The following CD40 variants were observed in gnomAD, a reference collection of about 807,000 sequenced individuals.
The protein encoded by CD40 is CD40 molecule.
Under a neutral mutation model 38.5 loss-of-function variants are expected in CD40, and 19 were observed. The ratio of observed to expected loss-of-function variants is 0.49; its 90% confidence interval spans 0.34 to 0.72. The LOEUF is 0.72. Ranked by LOEUF, CD40 falls within the 30% of genes least tolerant of loss-of-function variation. The pLI is 0.01. For synonymous variants in CD40, 130 were observed against 128.7 expected (o/e 1.01, Z -0.07); for missense variants, 256 against 344.1 (o/e 0.74, Z 2.03).
intron 5 of CD40, among the ~76,000 whole-genome samples, chr20:46,123,960 C>T (rs541004924): frequency 6.6e-6 from 1 of 152,352 alleles, no homozygotes; most frequent in South Asian, 2.1e-4. Flanking sequence ...TCTGAACACA[C>T]TGTTCATTCT....
In CD40 at chr20:46,129,406, A is replaced by G. The variant is rs1470507754; in HGVS notation, c.*366A>G. ...GTGGCTTCCCTGCGCCCAGGAAGCC[A>G]TATACACAGATGCCCATTGCAGCAT... On this transcript the variant is annotated 3_prime_UTR_variant, in exon 9 of 9. Coordinates refer to ENST00000372285, the MANE Select transcript of CD40 (RefSeq NM_001250.6). 1.5e-5 allele frequency: 5 copies of G among 326,402 alleles called. No homozygotes were observed. The highest frequency in any genetic ancestry group is 2.4e-5 in the Non-Finnish European group (4 of 166,184). The allele number at this position is 326,402 out of a possible 1,614,324, so 20.2% of individuals were successfully genotyped here. A position where few individuals can be genotyped will look rare whatever the true frequency, so the allele number is the denominator to read the frequency against.
chr20:46,126,676 C>T lies in CD40; in HGVS notation c.534C>T (p.Gly178=). 1 of 1,614,040 alleles carries T rather than the reference C, an allele frequency of 6.2e-7. No individual in the cohort carries two copies. The highest frequency in any genetic ancestry group is 8.5e-7 in the Non-Finnish European group (1 of 1,179,964). The change falls in exon 6 of 9, where the codon GGC becomes GGT. Residue 178 remains glycine (G), a synonymous_variant. Coordinates refer to ENST00000372285, the MANE Select transcript of CD40 (RefSeq NM_001250.6). The part of the protein sequence containing the change: ...ETKDLVVQQA[G]TNKTDVVCGP... Reference sequence around the variant, plus strand: ...AAGACCTGGTTGTGCAACAGGCAGGCACAAACAAGACTGATGTTGTCTGTG... The same window carrying T: ...AAGACCTGGTTGTGCAACAGGCAGGTACAAACAAGACTGATGTTGTCTGTG...
chr20:46,122,218 C>T lies in CD40; in HGVS notation c.131-15C>T. The T allele has an allele frequency of 1.2e-6, 2 of 1,614,198 alleles. No individual in the cohort carries two copies. The highest frequency in any genetic ancestry group is 2.2e-5 in the East Asian group (1 of 44,888). Reference sequence around the variant, plus strand: ...AGTTGGCCAGAGCCCTCCCTCATTTCCTGATGTTTTCCAGGACAGAAACTG... The same window carrying T: ...AGTTGGCCAGAGCCCTCCCTCATTTTCTGATGTTTTCCAGGACAGAAACTG... On this transcript the variant is annotated splice_polypyrimidine_tract_variant and intron_variant, in intron 2 of 8. Transcript: ENST00000372285. The surrounding 1 kb of genome is among the most constrained non-coding windows in gnomAD (Gnocchi z 5.0).
Position 46,129,423 on chromosome 20 carries a change from T to C in CD40, c.*383T>C. On this transcript the variant is annotated 3_prime_UTR_variant, in exon 9 of 9. Transcript: ENST00000372285. ...AGGAAGCCATATACACAGATGCCCA[T>C]TGCAGCATTGTTTGTGATAGTGAAC... is the stretch of plus-strand genomic sequence containing the variant. 1 of 275,670 alleles carries C rather than the reference T, an allele frequency of 3.6e-6. No individual in the cohort carries two copies. The highest frequency in any genetic ancestry group is 4.0e-5 in the South Asian group (1 of 25,178). The allele number at this position is 275,670 out of a possible 1,614,324, so 17.1% of individuals were successfully genotyped here.
At chr20:46,123,041 C>T (rs1032243359) in intron 4 of CD40, 85 bp from the exon 5 acceptor site, 28 of 1,093,648 alleles carry the variant, frequency 2.6e-5, no homozygotes, top group Non-Finnish European at 3.7e-5. Flanking sequence ...GAGCTCTTCC[C>T]GTCCTGCCTG....
rs1398347643 is a variant in CD40 at position 46,129,641 on chromosome 20, C to A, written c.*601C>A. On this transcript the variant is annotated 3_prime_UTR_variant, in exon 9 of 9. Coordinates refer to ENST00000372285, the MANE Select transcript of CD40 (RefSeq NM_001250.6). ...TTGCCTATGGATATATGTATAAATA[C>A]AATATGCATCATATATTGATATAAC... is the stretch of plus-strand genomic sequence containing the variant. 6.3e-6 allele frequency: 1 copy of A among 158,130 alleles called. No individual in the cohort carries two copies. Among genetic ancestry groups the A allele is most frequent in the African/African-American group, 2.4e-5 (1 of 41,396 alleles). 9.8% of individuals were successfully genotyped at this position (158,130 alleles called of 1,614,324 possible).
In CD40 at chr20:46,118,741, C is replaced by G. The variant is rs776428906; in HGVS notation, c.51+347C>G. Among the ~76,000 whole-genome samples, 12 of 152,082 alleles carry G rather than the reference C, an allele frequency of 7.9e-5. No individual in the cohort carries two copies. The East Asian group carries it at 2.3e-3, about 29-fold the overall frequency. The stretch of plus-strand genomic sequence containing the variant: ...AAGTGAGGCGGACCAAGGGAAGGGG[C>G]GGGTCTGGCCCGTTTCCTGTCCCCT... On this transcript the variant is annotated intron_variant, in intron 1 of 8. Coordinates refer to ENST00000372285, the MANE Select transcript of CD40 (RefSeq NM_001250.6).
intron 1 of CD40, among the ~76,000 whole-genome samples, chr20:46,118,803 TATC>T (rs2085262979): frequency 6.6e-6 from 1 of 152,044 alleles, no homozygotes; most frequent in South Asian, 2.1e-4. Context: ...TGTAAGTAGT[TATC>T]ATCTCCTTGC....
In CD40 at chr20:46,128,868, C is replaced by T. The variant is rs2085494952; in HGVS notation, c.676-14C>T. On this transcript the variant is annotated splice_polypyrimidine_tract_variant and intron_variant, in intron 8 of 8. Transcript: ENST00000372285. ...CCCTGCTGCTGGGGGTGACCTCACA[C>T]CTTGCCTCTCCAGGCCCCCCACCCC... 1.2e-6 allele frequency: 2 copies of T among 1,613,772 alleles called. No individual in the cohort carries two copies. Among genetic ancestry groups the T allele is most frequent in the Admixed American group, 3.3e-5 (2 of 60,006 alleles).
Position 46,121,942 on chromosome 20 carries a change from C to T in CD40, c.130+44C>T, listed in dbSNP as rs749599565. 3.3e-6 allele frequency: 5 copies of T among 1,501,438 alleles called. No homozygotes were observed. In the South Asian group the frequency reaches 5.6e-5, roughly 17 times the overall value. The allele number at this position is 1,501,438 out of a possible 1,614,324, so 93.0% of individuals were successfully genotyped here. A position where few individuals can be genotyped will look rare whatever the true frequency, so the allele number is the denominator to read the frequency against. ...AGCCCCATCATGGAGTCCCCCTTTG[C>T]TTTGGTGGCAGACGCAGACCCCATA... On this transcript the variant is annotated intron_variant, in intron 2 of 8. Transcript: ENST00000372285.
rs764765069 is a variant in CD40 at position 46,122,365 on chromosome 20, G to A, written c.256+7G>A. On this transcript the variant is annotated splice_region_variant and intron_variant, in intron 3 of 8. Transcript: ENST00000372285. This position sits in a 1 kb window ranked among gnomAD's most constrained non-coding sequence, Gnocchi z 5.0. ...CACAAATACTGCGACCCCAGTGCGT[G>A]CGCTGTTGGGAAAGGGACGCTTGGG... 54 of 1,614,068 alleles carry A rather than the reference G, an allele frequency of 3.3e-5. No homozygotes were observed. The highest frequency in any genetic ancestry group is 4.5e-5 in the Non-Finnish European group (53 of 1,180,042).
chr20:46,124,256 C>T (rs1017091856), intron 5 of CD40, among the ~76,000 whole-genome samples: 5 of 152,170 alleles, frequency 3.3e-5, no homozygotes, highest in African/African-American at 4.8e-5. Context: ...GCCAAGATAG[C>T]GCCACTGCAC....
intron 6 of CD40, among the ~76,000 whole-genome samples, chr20:46,127,609 C>T (rs994663155): frequency 2.0e-5 from 3 of 152,204 alleles, no homozygotes; most frequent in African/African-American, 4.8e-5. Flanking sequence ...CCTTGCCTCA[C>T]GCTAGTCTCC....
intron 5 of CD40, among the ~76,000 whole-genome samples, chr20:46,124,453 G>A (rs561154408): frequency 6.5e-4 from 99 of 152,188 alleles, no homozygotes; most frequent in African/African-American, 2.3e-3. Context: ...GGGAGCCATT[G>A]TTCCTTGCAT....
Position 46,128,944 on chromosome 20 carries a change from C to A in CD40, c.738C>A (p.Asn246Lys). ...INFPDDLPGS[N>K]TAAPVQETLH... ...TTCCCGACGATCTTCCTGGCTCCAACACTGCTGCTCCAGTGCAGGAGACTT... is the reference window on the plus strand; with the variant it reads ...TTCCCGACGATCTTCCTGGCTCCAAAACTGCTGCTCCAGTGCAGGAGACTT... The change falls in exon 9 of 9, where the codon AAC becomes AAA. Residue 246 changes from asparagine to lysine, a missense_variant. Physicochemically the swap from Asn to Lys is moderately conservative, Grantham distance 94 (BLOSUM62 0). Transcript: ENST00000372285. 5 of 1,614,232 alleles carry A rather than the reference C, an allele frequency of 3.1e-6. No individual in the cohort carries two copies. Among genetic ancestry groups the A allele is most frequent in the Non-Finnish European group, 4.2e-6 (5 of 1,180,040 alleles).
intron 5 of CD40, among the ~76,000 whole-genome samples, chr20:46,124,024 C>T (rs959253196): frequency 6.6e-6 from 1 of 152,222 alleles, no homozygotes; most frequent in South Asian, 2.1e-4. Flanking sequence ...CCAGGCCAGG[C>T]GCGGTGGCTC....
chr20:46,123,828 C>G (rs1202319219), intron 5 of CD40, among the ~76,000 whole-genome samples: 1 of 152,226 alleles, frequency 6.6e-6, no homozygotes, highest in Admixed American at 6.5e-5. Context: ...ATGACACTCT[C>G]CTATTTGAGA....
At chr20:46,119,625 G>A (rs1009014673) in intron 1 of CD40, among the ~76,000 whole-genome samples, 2 of 152,182 alleles carry the variant, frequency 1.3e-5, no homozygotes, top group Non-Finnish European at 2.9e-5. Context: ...AATGTCAGAA[G>A]CTATCTATTG....
chr20:46,123,104 C>T (rs757338322), intron 4 of CD40, 22 bp from the exon 5 acceptor site: 21 of 1,579,164 alleles, frequency 1.3e-5, no homozygotes, highest in Non-Finnish European at 1.8e-5. Flanking sequence ...TGGTTAATGT[C>T]CCCCTCCCCA....
Sources: gnomAD v4.1 joint callset for allele counts (sites outside exome capture counted in the v4.1 genomes callset) on GRCh38, gnomAD v4.1.1 for gene constraint, Gnocchi (gnomAD v3.1) non-coding constraint, MANE v1.5 for transcripts, NCBI Gene and HGNC (gene_info 2026-07-23, HGNC 2026-07-21) for gene names.